TLR6: variants seen among roughly 807,000 people sequenced by gnomAD.
The protein encoded by TLR6 is toll like receptor 6.
TLR6 carries 9 observed loss-of-function variants against 16.1 expected under a neutral mutation model. The observed-to-expected ratio is 0.56, with a 90% CI of 0.34 to 0.98. The LOEUF (loss-of-function observed/expected upper bound fraction) is 0.98, where lower values mean the gene tolerates loss of function less well. Among genes scored for constraint, TLR6 ranks in the 50% least tolerant of loss-of-function variants. The probability of loss-of-function intolerance (pLI) is 0.02; values close to 1 mark genes in which losing one functional copy is unlikely to be tolerated. For synonymous variants in TLR6, 340 were observed against 338.6 expected, an observed-to-expected ratio of 1.00 and a Z score of -0.04; for missense variants, 786 against 921.0, an observed-to-expected ratio of 0.85 and a Z score of 1.90.
chr4:38,849,110 T>C (rs996511963), intron 1 of TLR6, among the ~76,000 whole-genome samples: 2 of 151,924 alleles, frequency 1.3e-5, no homozygotes, highest in African/African-American at 4.8e-5. Flanking sequence ...CAGAAGAGAG[T>C]GGGGGCCAAT....
chr4:38,855,190 C>A (rs1289659140), intron 1 of TLR6, among the ~76,000 whole-genome samples: 1 of 140,044 alleles, frequency 7.1e-6, no homozygotes, highest in African/African-American at 2.7e-5. Context: ...CCAGCCTGGG[C>A]GACAGAGCAA....
At chr4:38,835,720 C>T (rs1051918350) in intron 1 of TLR6, among the ~76,000 whole-genome samples, 1 of 152,184 alleles carries the variant, frequency 6.6e-6, no homozygotes, top group East Asian at 1.9e-4. Flanking sequence ...ATATCTTAGG[C>T]CACAAAACAA....
exon 2 of TLR6, chr4:38,823,813 C>T (rs919051044): frequency 2.0e-5 from 3 of 152,196 alleles, no homozygotes; most frequent in Non-Finnish European, 4.4e-5. Flanking sequence ...GGCAATGGGC[C>T]CCGTGGGACG....
At chr4:38,849,860 T>C (rs974859066) in intron 1 of TLR6, among the ~76,000 whole-genome samples, 17 of 152,152 alleles carry the variant, frequency 1.1e-4, no homozygotes, top group Non-Finnish European at 2.1e-4. Context: ...TATCCAGGAA[T>C]TGAACTCAGC....
At chr4:38,868,054 TGTGA>T in the TLR6 span, 38 of 421,212 alleles carry the variant, frequency 9.0e-5, no homozygotes, top group Admixed American at 9.6e-4. Flanking sequence ...GGTGCGGGCG[TGTGA>T]GTGTGTGTGT....
chr4:38,855,442 A>G (rs1013041282), intron 1 of TLR6, among the ~76,000 whole-genome samples: 1 of 152,328 alleles, frequency 6.6e-6, no homozygotes, highest in African/African-American at 2.4e-5. Context: ...AATCCAAAAA[A>G]GTTATCGTAA....
intron 1 of TLR6, among the ~76,000 whole-genome samples, chr4:38,854,632 T>A (rs953457229): frequency 1.3e-5 from 2 of 152,092 alleles, no homozygotes; most frequent in African/African-American, 4.8e-5. Flanking sequence ...TAGGCAGGAA[T>A]GAAAAATTAG....
At chr4:38,850,604 C>A (rs552066116) in intron 1 of TLR6, among the ~76,000 whole-genome samples, 2 of 152,308 alleles carry the variant, frequency 1.3e-5, no homozygotes, top group South Asian at 4.1e-4. Context: ...ATAAACACCT[C>A]TATGCAAATA....
At chr4:38,847,443 CAGTGGGTGCAGCTCAATG>C (rs1712576767) in intron 1 of TLR6, among the ~76,000 whole-genome samples, 1 of 152,178 alleles carries the variant, frequency 6.6e-6, no homozygotes, top group Admixed American at 6.5e-5. Flanking sequence ...GGGGGCAGGA[CAGTGGGTGCAGCTCAATG>C]AGTGTGAGCC....
chr4:38,846,103 A>AG (rs1411623386), intron 1 of TLR6, among the ~76,000 whole-genome samples: 17 of 146,696 alleles, frequency 1.2e-4, no homozygotes, highest in African/African-American at 3.3e-4. Context: ...AAAAAAAAAA[A>AG]AAAAGAAAAG....
chr4:38,867,675 G>A, the TLR6 span: 1 of 151,540 alleles, frequency 6.6e-6, no homozygotes, highest in Non-Finnish European at 1.5e-5. Context: ...CAGCGTGGGG[G>A]TGGCCGGGCG....
At chr4:38,839,134 A>C (rs1712109656) in intron 1 of TLR6, among the ~76,000 whole-genome samples, 1 of 60,458 alleles carries the variant, frequency 1.7e-5, no homozygotes, top group African/African-American at 6.5e-5. Context: ...AAGGGAGGGA[A>C]GGGAGGGAGG....
upstream of TLR6, among the ~76,000 whole-genome samples, chr4:38,858,936 G>T (rs189334307): frequency 2.0e-5 from 3 of 152,242 alleles, no homozygotes; most frequent in Non-Finnish European, 2.9e-5. Context: ...GTGCAGAACT[G>T]TAAGAAGAGT....
intron 1 of TLR6, among the ~76,000 whole-genome samples, chr4:38,831,967 A>G (rs1032475207): frequency 1.3e-5 from 2 of 152,242 alleles, no homozygotes; most frequent in Non-Finnish European, 2.9e-5. Context: ...GCATAGTCTT[A>G]TCACACAATC....
chr4:38,825,367 T>C (rs1057431563), exon 2 of TLR6: 7 of 152,248 alleles, frequency 4.6e-5, no homozygotes, highest in Admixed American at 2.0e-4. Context: ...CGAAGGCATA[T>C]AGTCAGTTTC....
chr4:38,855,002 G>A (rs889383450), intron 1 of TLR6, among the ~76,000 whole-genome samples: 12 of 152,260 alleles, frequency 7.9e-5, no homozygotes, highest in Admixed American at 4.6e-4. Context: ...GAGGTCAGGA[G>A]ATCGAGACCA....
At chr4:38,825,678 C>T (rs1727510585) in exon 2 of TLR6, 1 of 152,486 alleles carries the variant, frequency 6.6e-6, no homozygotes, top group Admixed American at 6.5e-5. Flanking sequence ...AACCCCTCTT[C>T]TGCCTAACCC....
chr4:38,862,476 T>G, the TLR6 span, among the ~76,000 whole-genome samples: 1 of 152,130 alleles, frequency 6.6e-6, no homozygotes, highest in Admixed American at 6.5e-5. Flanking sequence ...AGACGGGGTT[T>G]TGCCATGTTG....
chr4:38,834,822 C>A (rs1711822918), intron 1 of TLR6, among the ~76,000 whole-genome samples: 1 of 152,154 alleles, frequency 6.6e-6, no homozygotes, highest in Admixed American at 6.5e-5. Context: ...AAGAAATATT[C>A]TTTCCCAGAC....
Sources: allele counts gnomAD v4.1 joint callset (sites outside exome capture counted in the v4.1 genomes callset), GRCh38; gene constraint gnomAD v4.1.1; transcripts MANE v1.5; gene names NCBI Gene and HGNC (gene_info 2026-07-23, HGNC 2026-07-21).